Variants in KAZN observed in about 807,000 individuals in gnomAD.
KAZN encodes kazrin.
A neutral mutation model predicts 87.4 loss-of-function variants in KAZN; 40 were observed. The observed-to-expected ratio is 0.46, with a 90% confidence interval of 0.36 to 0.60. KAZN has a LOEUF of 0.60. Ranked by LOEUF, KAZN falls within the 20% of genes least tolerant of loss-of-function variation. KAZN has a pLI of 0.00. For missense variants in KAZN, 898 were observed against 1,073.9 expected, an observed-to-expected ratio of 0.84 and a Z score of 2.29; for synonymous variants, 466 against 458.3, an observed-to-expected ratio of 1.02 and a Z score of -0.22.
chr1:13,901,640 G>A (rs1446744339), intron 1 of KAZN, among the ~76,000 whole-genome samples: 2 of 152,248 alleles, frequency 1.3e-5, no homozygotes, highest in African/African-American at 4.8e-5. Context: ...CAGGTTACAA[G>A]CTCTGGCTTA....
chr1:15,011,417 C>A (rs1446223074), intron 2 of KAZN, among the ~76,000 whole-genome samples: 4 of 152,220 alleles, frequency 2.6e-5, no homozygotes, highest in Non-Finnish European at 5.9e-5. Flanking sequence ...CCAGAACGTG[C>A]AGCCTTGAGA....
chr1:14,753,695 G>T (rs560594365), intron 1 of KAZN, among the ~76,000 whole-genome samples: 1 of 152,194 alleles, frequency 6.6e-6, no homozygotes, highest in East Asian at 1.9e-4. Context: ...CACCCCAGGG[G>T]CAGGCAGAGC....
chr1:14,248,997 C>T (rs115823120), intron 2 of KAZN, among the ~76,000 whole-genome samples: 1 of 152,278 alleles, frequency 6.6e-6, no homozygotes, highest in African/African-American at 2.4e-5. Flanking sequence ...AGCTAAGCCC[C>T]CAGCCTTTGT....
intron 1 of KAZN, among the ~76,000 whole-genome samples, chr1:14,907,723 AG>A (rs1330128341): frequency 6.6e-6 from 1 of 152,168 alleles, no homozygotes; most frequent in Non-Finnish European, 1.5e-5. Context: ...TATTCCTGGC[AG>A]GGGGGTGGAC....
Position 14,285,996 on chromosome 1 carries a change from C to T in KAZN, c.249+105404C>T, listed in dbSNP as rs142802076. On this transcript the variant is annotated intron_variant, in intron 2 of 16. Coordinates refer to the KAZN transcript ENST00000636203. ...AGAATGCACAGGGGCTCAAGAACTA[C>T]ACCCTTGTTCCCTCTCTTACGCTGC... 3.0e-3 allele frequency among the ~76,000 whole-genome samples: 453 copies of T among 152,316 alleles called. 1 individual carries two copies. Among genetic ancestry groups the T allele is most frequent in the African/African-American group, 0.011 (439 of 41,568 alleles).
rs75029909 is a variant in KAZN, at chr1:13,975,015, T to C, written c.91+81259T>C. On this transcript the variant is annotated intron_variant, in intron 1 of 16. Coordinates refer to the KAZN transcript ENST00000636203. ...CCTAATTATGTTGTTTTCTAGTTGT[T>C]CATTTAACATGTATTTATTGATCAC... Among the ~76,000 whole-genome samples the C allele has an allele frequency of 6.0e-3, 908 of 152,324 alleles. 8 individuals are homozygous for C. Among genetic ancestry groups the C allele is most frequent in the African/African-American group, 0.02 (847 of 41,564 alleles).
chr1:14,557,209 C>G (rs1202892850), intron 2 of KAZN, among the ~76,000 whole-genome samples: 1 of 152,128 alleles, frequency 6.6e-6, no homozygotes, highest in East Asian at 1.9e-4. Flanking sequence ...TAAGTTATCC[C>G]CAACACCTGG....
rs1023738126 is a variant in KAZN at position 14,110,963 on chromosome 1, A to G, written c.92-69472A>G. Among the ~76,000 whole-genome samples the G allele has an allele frequency of 1.5e-5, 2 of 134,676 alleles. 1 individual carries two copies. The highest frequency in any genetic ancestry group is 3.2e-5 in the Non-Finnish European group (2 of 62,954). 88.4% of individuals were successfully genotyped at this position (134,676 alleles called of 152,430 possible). A position where few individuals can be genotyped will look rare whatever the true frequency, so the allele number is the denominator to read the frequency against. On this transcript the variant is annotated intron_variant, in intron 1 of 16. Coordinates refer to the KAZN transcript ENST00000636203. ...TAGAAACTTTTAAATTGCATACACA[A>G]TTTGCATTATATTTCTGCTGGACAG...
At chr1:14,913,746 T>A (rs1657497699) in intron 1 of KAZN, among the ~76,000 whole-genome samples, 1 of 152,150 alleles carries the variant, frequency 6.6e-6, no homozygotes, top group African/African-American at 2.4e-5. Context: ...TGCTCTGCCT[T>A]GAGTTGGAGA....
chr1:14,492,385 A>G (rs567609595), intron 2 of KAZN, among the ~76,000 whole-genome samples: 2 of 151,672 alleles, frequency 1.3e-5, no homozygotes, highest in South Asian at 2.1e-4. Flanking sequence ...TCACTCATTC[A>G]CTCATTCTGT....
At position 15,094,743 on chromosome 1, in the gene KAZN, A is replaced by C. The variant is rs1306195432; in HGVS notation, c.1429-72A>C. 6.2e-6 allele frequency: 7 copies of C among 1,125,470 alleles called. No individual in the cohort carries two copies. The highest frequency in any genetic ancestry group is 1.5e-5 in the African/African-American group (1 of 64,782). The allele number at this position is 1,125,470 out of a possible 1,614,324, so 69.7% of individuals were successfully genotyped here. A position where few individuals can be genotyped will look rare whatever the true frequency, so the allele number is the denominator to read the frequency against. ...GATGGGGAAGGAGCCCCATGTCAAC[A>C]GACCCCCTCTAGGGCAGGAACCCCG... On this transcript the variant is annotated intron_variant, in intron 9 of 14. Transcript: ENST00000376030. The surrounding 1 kb of genome is among the most constrained non-coding windows in gnomAD (Gnocchi z 4.5).
chr1:15,032,120 A>C (rs4661311), intron 2 of KAZN, among the ~76,000 whole-genome samples: 1 of 146,910 alleles, frequency 6.8e-6, no homozygotes, highest in Non-Finnish European at 1.5e-5. Context: ...CCCCACACCC[A>C]GCCCGAGGCA....
At chr1:14,553,340 G>A (rs940588293) in intron 2 of KAZN, among the ~76,000 whole-genome samples, 1 of 152,174 alleles carries the variant, frequency 6.6e-6, no homozygotes, top group African/African-American at 2.4e-5. Context: ...CAGCCTGGGA[G>A]AGAGGGAGAC....
intron 1 of KAZN, among the ~76,000 whole-genome samples, chr1:13,951,389 A>G (rs1231209234): frequency 6.6e-6 from 1 of 152,174 alleles, no homozygotes; most frequent in Non-Finnish European, 1.5e-5. Context: ...CACGCAAAGC[A>G]CTTAGACCCA....
intron 1 of KAZN, among the ~76,000 whole-genome samples, chr1:13,907,255 G>A (rs1289017910): frequency 6.6e-6 from 1 of 152,170 alleles, no homozygotes; most frequent in African/African-American, 2.4e-5. Context: ...CTGAAGGCTG[G>A]AAACACATTT....
At chr1:14,787,713 G>A (rs746423502) in intron 1 of KAZN, among the ~76,000 whole-genome samples, 2 of 152,148 alleles carry the variant, frequency 1.3e-5, no homozygotes, top group Non-Finnish European at 2.9e-5. Context: ...GCCTTTCACT[G>A]TGAGTTCTGG....
intron 1 of KAZN, among the ~76,000 whole-genome samples, chr1:14,861,183 G>A (rs1450692221): frequency 1.3e-5 from 2 of 152,216 alleles, no homozygotes; most frequent in African/African-American, 4.8e-5. Flanking sequence ...TTTGAGACCA[G>A]CCTGGCCAAC....
At position 15,094,094 on chromosome 1, in the gene KAZN, C is replaced by A; in HGVS notation, c.1223-86C>A. On this transcript the variant is annotated intron_variant, in intron 8 of 14. Transcript: ENST00000376030. The surrounding 1 kb of genome is among the most constrained non-coding windows in gnomAD (Gnocchi z 4.5). ...CATGGAGGGGAGGATGTCCCCACCACCCTCTGCCTCCCGGGGGTATGGCCT... is the reference window on the plus strand; with the variant it reads ...CATGGAGGGGAGGATGTCCCCACCAACCTCTGCCTCCCGGGGGTATGGCCT... 8.3e-7 allele frequency: 1 copy of A among 1,211,610 alleles called. No individual in the cohort carries two copies. Among genetic ancestry groups the A allele is most frequent in the Non-Finnish European group, 1.2e-6 (1 of 850,814 alleles). 75.1% of individuals were successfully genotyped at this position (1,211,610 alleles called of 1,614,324 possible).
At chr1:14,264,799 T>A (rs1651346363) in intron 2 of KAZN, among the ~76,000 whole-genome samples, 1 of 152,236 alleles carries the variant, frequency 6.6e-6, no homozygotes, top group Non-Finnish European at 1.5e-5. Context: ...TTCTGCCACA[T>A]CTCTCTGACT....
Sources: gnomAD v4.1 joint callset for allele counts (sites outside exome capture counted in the v4.1 genomes callset) on GRCh38, gnomAD v4.1.1 for gene constraint, Gnocchi (gnomAD v3.1) non-coding constraint, MANE v1.5 for transcripts, NCBI Gene and HGNC (gene_info 2026-07-23, HGNC 2026-07-21) for gene names.